VPS36: variants seen among roughly 807,000 people sequenced by gnomAD.
The protein encoded by VPS36 is vacuolar protein-sorting-associated protein 36.
VPS36 carries 31 observed loss-of-function variants against 63.5 expected under a neutral mutation model. The observed-to-expected ratio is 0.49, with a 90% CI of 0.37 to 0.66. VPS36 has a LOEUF of 0.66. Among genes scored for constraint, VPS36 ranks in the 30% least tolerant of loss-of-function variants. The pLI is 0.00. For missense variants in VPS36, 338 were observed against 463.7 expected (o/e 0.73, Z 2.49); for synonymous variants, 138 against 157.2 (o/e 0.88, Z 0.91).
intron 6 of VPS36, among the ~76,000 whole-genome samples, chr13:52,433,384 C>G (rs1484061879): frequency 6.6e-6 from 1 of 152,110 alleles, no homozygotes; most frequent in African/African-American, 2.4e-5. Flanking sequence ...TAGGAGTATC[C>G]GCCAATCAAT....
rs559289883 is a variant in VPS36 at position 52,436,483 on chromosome 13, T to A, written c.237-79A>T. On this transcript the variant is annotated intron_variant, in intron 3 of 13. Coordinates refer to ENST00000378060, the MANE Select transcript of VPS36 (RefSeq NM_016075.4). ...AATTCTACTTTTATAACTTTTTATG[T>A]ATTTCAAATCACTTTTAAAATTCAT... 26 of 1,016,708 alleles carry A rather than the reference T, an allele frequency of 2.6e-5. No homozygotes were observed. In the East Asian group the frequency reaches 6.3e-4, roughly 25 times the overall value. 63.0% of individuals were successfully genotyped at this position (1,016,708 alleles called of 1,614,324 possible). A position where few individuals can be genotyped will look rare whatever the true frequency, so the allele number is the denominator to read the frequency against.
At position 52,423,951 on chromosome 13, in the gene VPS36, G is replaced by A. The variant is rs982939008; in HGVS notation, c.775-312C>T. 4.6e-5 allele frequency among the ~76,000 whole-genome samples: 7 copies of A among 151,936 alleles called. No individual in the cohort carries two copies. The East Asian group carries it at 9.7e-4, about 21-fold the overall frequency. ...CAGCTCACTGCAACCTCCACCTCCC[G>A]GGTTCAAGCAATTCTCCTGCCTCAG... On this transcript the variant is annotated intron_variant, in intron 9 of 13. Transcript: ENST00000378060.
chr13:52,426,141 A>G, intron 8 of VPS36, 75 bp from the exon 9 acceptor site: 2 of 1,548,286 alleles, frequency 1.3e-6, no homozygotes, highest in Non-Finnish European at 1.8e-6. Context: ...CACAAATTCA[A>G]TTCCACTCAA....
At position 52,416,108 on chromosome 13, in the gene VPS36, C is replaced by T. The variant is rs746621940; in HGVS notation, c.991-15G>A. On this transcript the variant is annotated splice_polypyrimidine_tract_variant and intron_variant, in intron 12 of 13. Transcript: ENST00000378060. The stretch of plus-strand genomic sequence containing the variant: ...TTTTCTGAAACCTAATAGAAACACA[C>T]AGCAGAAAAAAAATGTAATTAATTT... The T allele has an allele frequency of 3.7e-6, 6 of 1,607,296 alleles. No individual in the cohort carries two copies. The South Asian group carries it at 5.6e-5, about 15-fold the overall frequency.
chr13:52,417,103 A>G lies in VPS36; in HGVS notation c.944T>C (p.Leu315Pro). ...VFDSGVMVIE[L>P]QSHKEEEMVA... ...CATTTCCTCTTCCTTGTGAGACTGA[A>G]GCTCAATTACCATGACGCCACTGTC... Residue 315 changes from leucine (L) to proline (P), a missense_variant, in exon 12 of 14, where the codon CTT becomes CCT. By Grantham distance (98) the Leu-to-Pro change is moderately conservative (BLOSUM62 -3). Coordinates refer to ENST00000378060, the MANE Select transcript of VPS36 (RefSeq NM_016075.4). 1.2e-6 allele frequency: 2 copies of G among 1,614,090 alleles called. No individual in the cohort carries two copies. Among genetic ancestry groups the G allele is most frequent in the Non-Finnish European group, 1.7e-6 (2 of 1,180,002 alleles).
intron 6 of VPS36, among the ~76,000 whole-genome samples, 165 bp from the exon 7 acceptor site, chr13:52,427,384 T>A (rs1382469935): frequency 6.6e-6 from 1 of 152,196 alleles, no homozygotes; most frequent in African/African-American, 2.4e-5. Flanking sequence ...GGCAGGCAGA[T>A]CACGAGGTCA....
At chr13:52,418,115 G>A (rs747177194) in intron 10 of VPS36, 59 bp from the exon 11 acceptor site, 72 of 1,404,436 alleles carry the variant, frequency 5.1e-5, no homozygotes, top group Non-Finnish European at 6.4e-5. Context: ...TAAAACAGAA[G>A]AGTATATTTT....
In VPS36 at chr13:52,414,345, A is replaced by C. The variant is rs1313018593; in HGVS notation, c.*1485T>G. On this transcript the variant is annotated 3_prime_UTR_variant, in exon 14 of 14. Transcript: ENST00000378060. The stretch of plus-strand genomic sequence containing the variant: ...TACCCTCAAAATAAACCTGAGGCTG[A>C]GCAATGGGGGAACCAGAGGATCTGT... 6.6e-6 allele frequency: 1 copy of C among 152,224 alleles called. No individual in the cohort carries two copies. Among genetic ancestry groups the C allele is most frequent in the African/African-American group, 2.4e-5 (1 of 41,452 alleles). 9.4% of individuals were successfully genotyped at this position (152,224 alleles called of 1,614,324 possible).
intron 10 of VPS36, among the ~76,000 whole-genome samples, chr13:52,421,455 A>C: frequency 6.7e-6 from 1 of 149,544 alleles, no homozygotes; most frequent in East Asian, 2.0e-4. Flanking sequence ...CTGCTGCTAT[A>C]TTACACAGGG....
chr13:52,425,881 T>C (rs774289016), intron 9 of VPS36, 51 bp downstream of exon 9: 40 of 1,552,416 alleles, frequency 2.6e-5, no homozygotes, highest in Non-Finnish European at 3.2e-5. Flanking sequence ...TCTAATGACA[T>C]AGGGCTAATT....
intron 1 of VPS36, among the ~76,000 whole-genome samples, chr13:52,442,885 A>G (rs1262615727): frequency 6.6e-6 from 1 of 152,236 alleles, no homozygotes; most frequent in Non-Finnish European, 1.5e-5. Flanking sequence ...AACAATCATT[A>G]TCTCAGAAAA....
At position 52,417,110 on chromosome 13, in the gene VPS36, T is replaced by C. The variant is rs750136185; in HGVS notation, c.937A>G (p.Ile313Val). 84 of 1,613,928 alleles carry C rather than the reference T, an allele frequency of 5.2e-5. No individual in the cohort carries two copies. Among genetic ancestry groups the C allele is most frequent in the Non-Finnish European group, 5.8e-5 (69 of 1,180,002 alleles). ...TCTTCCTTGTGAGACTGAAGCTCAA[T>C]TACCATGACGCCACTGTCAAACACA... is the stretch of plus-strand genomic sequence containing the variant. ...LRVFDSGVMV[I>V]ELQSHKEEEM... The change falls in exon 12 of 14, where the codon ATT becomes GTT. Residue 313 changes from isoleucine (I) to valine (V), a missense_variant. Coordinates refer to ENST00000378060, the MANE Select transcript of VPS36 (RefSeq NM_016075.4).
rs573903683 is a variant in VPS36, at chr13:52,441,233, T to C, written c.165+1144A>G. ...TCCCAGGTACAAAAAAGTCAGATAT[T>C]GTAATGGTTAGCAGCCCTTCAAGTG... On this transcript the variant is annotated intron_variant, in intron 2 of 13. Transcript: ENST00000378060. Among the ~76,000 whole-genome samples, 8 of 152,226 alleles carry C rather than the reference T, an allele frequency of 5.3e-5. No homozygotes were observed. In the South Asian group the frequency reaches 1.7e-3, roughly 32 times the overall value.
chr13:52,449,846 C>T, intron 1 of VPS36: 10 of 853,620 alleles, frequency 1.2e-5, no homozygotes, highest in Non-Finnish European at 1.4e-5. Flanking sequence ...ACAAAACACG[C>T]TCAGAACGCC....
chr13:52,427,411 C>T (rs1385544362), intron 6 of VPS36, among the ~76,000 whole-genome samples, 192 bp from the exon 7 acceptor site: 1 of 152,168 alleles, frequency 6.6e-6, no homozygotes, highest in Non-Finnish European at 1.5e-5. Flanking sequence ...CGAGACCATC[C>T]TGGCTAACAC....
chr13:52,429,397 C>T (rs1958133896), intron 6 of VPS36: 2 of 678,208 alleles, frequency 2.9e-6, no homozygotes, highest in South Asian at 1.3e-4. Flanking sequence ...CAGCCTTTGA[C>T]TTCCATATTC....
chr13:52,443,652 G>C (rs1407502407), intron 1 of VPS36, among the ~76,000 whole-genome samples: 1 of 152,164 alleles, frequency 6.6e-6, no homozygotes, highest in Non-Finnish European at 1.5e-5. Context: ...TGTTTTAGCA[G>C]CTGAGCTGAC....
At chr13:52,448,305 T>C (rs1011183147) in intron 1 of VPS36, among the ~76,000 whole-genome samples, 2 of 152,220 alleles carry the variant, frequency 1.3e-5, no homozygotes, top group Non-Finnish European at 2.9e-5. Context: ...GTGTGTAACC[T>C]TGTAAAGTCT....
At chr13:52,433,206 T>C (rs972511011) in intron 6 of VPS36, among the ~76,000 whole-genome samples, 5 of 152,184 alleles carry the variant, frequency 3.3e-5, no homozygotes, top group African/African-American at 4.8e-5. Context: ...CCAGTAGAAG[T>C]GATGGGCTGC....
Sources: allele counts gnomAD v4.1 joint callset (sites outside exome capture counted in the v4.1 genomes callset), GRCh38; gene constraint gnomAD v4.1.1; transcripts MANE v1.5; gene names NCBI Gene and HGNC (gene_info 2026-07-23, HGNC 2026-07-21).